The following PTPRD variants were observed in gnomAD, a reference collection of about 807,000 sequenced individuals.
PTPRD encodes protein tyrosine phosphatase receptor type D, also known as receptor-type tyrosine-protein phosphatase delta.
A neutral mutation model predicts 214.5 loss-of-function variants in PTPRD; 34 were observed. The ratio of observed to expected loss-of-function variants is 0.16; its 90% confidence interval spans 0.12 to 0.21. The LOEUF is 0.21. PTPRD is among the 10% of genes least tolerant of loss of function. The pLI is 1.00. For synonymous variants in PTPRD, 1,128 were observed against 845.7 expected (o/e 1.33, Z -5.79); for missense variants, 2,545 against 2,398.7 (o/e 1.06, Z -1.27).
intron 9 of PTPRD, among the ~76,000 whole-genome samples, chr9:9,189,015 G>C (rs902414881): frequency 1.3e-5 from 2 of 151,972 alleles, no homozygotes; most frequent in Admixed American, 6.6e-5. Context: ...CTTAATATCA[G>C]TCTATTCTAA....
chr9:9,761,811 C>T (rs1166462707), intron 6 of PTPRD, among the ~76,000 whole-genome samples: 1 of 152,090 alleles, frequency 6.6e-6, no homozygotes, highest in African/African-American at 2.4e-5. Flanking sequence ...ATAAACTGAA[C>T]AGAATTAGTC....
intron 3 of PTPRD, among the ~76,000 whole-genome samples, chr9:10,248,941 G>C (rs2092502886): frequency 6.6e-6 from 1 of 151,772 alleles, no homozygotes; most frequent in Admixed American, 6.6e-5. Context: ...CTGTTATAGG[G>C]AATTCATATT....
intron 10 of PTPRD, among the ~76,000 whole-genome samples, chr9:9,171,934 G>C (rs1231413504): frequency 6.6e-6 from 1 of 152,076 alleles, no homozygotes; most frequent in Non-Finnish European, 1.5e-5. Context: ...ATTATGATAA[G>C]CTAGGCTGTT....
intron 11 of PTPRD, among the ~76,000 whole-genome samples, chr9:8,983,981 A>G (rs1387729433): frequency 6.6e-6 from 1 of 152,124 alleles, no homozygotes; most frequent in African/African-American, 2.4e-5. Context: ...AAAATTCCAA[A>G]TGAACTTCTT....
At position 10,124,643 on chromosome 9, in the gene PTPRD, T is replaced by A. The variant is rs142196061; in HGVS notation, c.-544-90853A>T. On this transcript the variant is annotated intron_variant, in intron 3 of 45. Transcript: ENST00000381196. ...TTGTAATTTTTTGTTTATTAGGGAG[T>A]TAGCATAACTTTTTAAGTATGTTAT... 4.0e-4 allele frequency among the ~76,000 whole-genome samples: 61 copies of A among 152,322 alleles called. 1 individual carries two copies. Among genetic ancestry groups the A allele is most frequent in the African/African-American group, 1.4e-3 (57 of 41,576 alleles).
chr9:8,590,405 T>G (rs1394760637), intron 14 of PTPRD, among the ~76,000 whole-genome samples: 1 of 152,168 alleles, frequency 6.6e-6, no homozygotes, highest in Non-Finnish European at 1.5e-5. Context: ...AAAATTCAAG[T>G]GTGCAGAAGA....
intron 4 of PTPRD, among the ~76,000 whole-genome samples, chr9:9,992,862 A>G (rs566926673): frequency 6.6e-6 from 1 of 152,258 alleles, no homozygotes; most frequent in African/African-American, 2.4e-5. Context: ...TGACGAGTTA[A>G]CGGGTGCAGC....
In PTPRD at chr9:10,006,677, G is replaced by A. The variant is rs867331075; in HGVS notation, c.-472+27041C>T. Among the ~76,000 whole-genome samples the A allele has an allele frequency of 3.3e-5, 5 of 151,842 alleles. No homozygotes were observed. In the South Asian group the frequency reaches 8.3e-4, roughly 25 times the overall value. On this transcript the variant is annotated intron_variant, in intron 4 of 45. Transcript: ENST00000381196. ...CCTTTACATTGGACGAATAATCAGA[G>A]CCAATATTTTTACTTGATTAGGTAG... is the stretch of plus-strand genomic sequence containing the variant.
intron 5 of PTPRD, among the ~76,000 whole-genome samples, chr9:9,875,345 C>G (rs865899416): frequency 1.3e-5 from 2 of 151,908 alleles, no homozygotes; most frequent in African/African-American, 4.8e-5. Context: ...GTACCCTAGC[C>G]TGGATGATAG....
At chr9:8,789,420 C>T (rs2096130890) in intron 11 of PTPRD, among the ~76,000 whole-genome samples, 1 of 152,186 alleles carries the variant, frequency 6.6e-6, no homozygotes, top group Non-Finnish European at 1.5e-5. Flanking sequence ...GTAATTCCCA[C>T]TGACCTGCTC....
intron 14 of PTPRD, among the ~76,000 whole-genome samples, chr9:8,625,794 AAC>A (rs925994765): frequency 6.6e-6 from 1 of 151,732 alleles, no homozygotes; most frequent in Non-Finnish European, 1.5e-5. Context: ...TATAAATTAA[AAC>A]ACAGCTCATT....
At position 10,023,254 on chromosome 9, in the gene PTPRD, A is replaced by G. The variant is rs563867670; in HGVS notation, c.-472+10464T>C. ...TTAAGTGTATAACCAATCATTATAA[A>G]TTAACAGACAACAATTTATCTTCAA... On this transcript the variant is annotated intron_variant, in intron 4 of 45. Coordinates refer to ENST00000381196, the MANE Select transcript of PTPRD (RefSeq NM_002839.4). Among the ~76,000 whole-genome samples the G allele has an allele frequency of 3.9e-5, 6 of 152,332 alleles. No homozygotes were observed. In the East Asian group the frequency reaches 1.2e-3, roughly 29 times the overall value.
intron 5 of PTPRD, among the ~76,000 whole-genome samples, chr9:9,811,560 A>C (rs553295163): frequency 2.6e-5 from 4 of 152,196 alleles, no homozygotes; most frequent in African/African-American, 7.2e-5. Flanking sequence ...ATAAAAAATT[A>C]GCCAGGTGTG....
chr9:10,364,002 T>TTTTTTG (rs1565557116), intron 2 of PTPRD, among the ~76,000 whole-genome samples: 8 of 70,176 alleles, frequency 1.1e-4, no homozygotes, highest in Non-Finnish European at 1.7e-4. Flanking sequence ...TTTTTTTTTT[T>TTTTTTG]TTTTTTTTTT....
chr9:10,002,199 G>C (rs2096337964), intron 4 of PTPRD, among the ~76,000 whole-genome samples: 1 of 149,390 alleles, frequency 6.7e-6, no homozygotes, highest in African/African-American at 2.4e-5. Flanking sequence ...GAACCAAACT[G>C]GTATACTAAA....
chr9:9,787,466 TTAA>T (rs1442396852), intron 5 of PTPRD, among the ~76,000 whole-genome samples: 1 of 150,100 alleles, frequency 6.7e-6, no homozygotes, highest in Non-Finnish European at 1.5e-5. Flanking sequence ...CAAAATTTAA[TTAA>T]TGTTACTTTT....
rs1448267018 is a variant in PTPRD, at chr9:8,929,769, GTA to G, written c.-104+88926_-104+88927del. On this transcript the variant is annotated intron_variant, in intron 11 of 45. Transcript: ENST00000381196. ...TGTATATATATATGTATATATATGT[GTA>G]TATATATGGGTGTGTATATATGTGT... Among the ~76,000 whole-genome samples the G allele has an allele frequency of 1.1e-4, 13 of 117,052 alleles. 2 individuals carry two copies. Among genetic ancestry groups the G allele is most frequent in the South Asian group, 8.7e-4 (3 of 3,432 alleles). The allele number at this position is 117,052 out of a possible 152,430, so 76.8% of individuals were successfully genotyped here.
At chr9:10,212,734 C>G (rs923223285) in intron 3 of PTPRD, among the ~76,000 whole-genome samples, 3 of 152,124 alleles carry the variant, frequency 2.0e-5, no homozygotes, top group African/African-American at 7.2e-5. Flanking sequence ...AATCTTGTTA[C>G]TGTATTGTCA....
chr9:9,672,060 T>C (rs181059560), intron 7 of PTPRD, among the ~76,000 whole-genome samples: 39 of 152,306 alleles, frequency 2.6e-4, no homozygotes, highest in African/African-American at 9.4e-4. Context: ...AGTCACTGTA[T>C]CTGCTGTGAG....
Sources: allele counts gnomAD v4.1 joint callset (sites outside exome capture counted in the v4.1 genomes callset), GRCh38; gene constraint gnomAD v4.1.1; transcripts MANE v1.5; gene names NCBI Gene and HGNC (gene_info 2026-07-23, HGNC 2026-07-21).